The following FAIM2 variants were observed in gnomAD, a reference collection of about 807,000 sequenced individuals.
FAIM2 encodes protein lifeguard 2.
Under a neutral mutation model 47.4 loss-of-function variants are expected in FAIM2, and 27 were observed. The ratio of observed to expected loss-of-function variants is 0.57; its 90% confidence interval spans 0.42 to 0.78. FAIM2 has a LOEUF of 0.78. Among genes scored for constraint, FAIM2 ranks in the 30% least tolerant of loss-of-function variants. FAIM2 has a pLI of 0.00. For synonymous variants in FAIM2, 156 were observed against 159.3 expected, an observed-to-expected ratio of 0.98 and a Z score of 0.16; for missense variants, 311 against 389.4, an observed-to-expected ratio of 0.80 and a Z score of 1.69.
intron 11 of FAIM2, among the ~76,000 whole-genome samples, chr12:49,877,933 T>C (rs111203851): frequency 0.016 from 2,369 of 151,896 alleles, 67 homozygotes; most frequent in African/African-American, 0.055. Context: ...TATGCATCTG[T>C]ATGTGTGTAT....
chr12:49,881,522 T>C (rs1252215784), intron 11 of FAIM2, among the ~76,000 whole-genome samples: 1 of 151,998 alleles, frequency 6.6e-6, no homozygotes, highest in Non-Finnish European at 1.5e-5. Context: ...CCATGGGCCC[T>C]GGAGTCTCAG....
Position 49,901,173 on chromosome 12 carries a change from G to C in FAIM2, c.168C>G (p.Pro56=). 1 of 1,606,990 alleles carries C rather than the reference G, an allele frequency of 6.2e-7. No individual in the cohort carries two copies. Among genetic ancestry groups the C allele is most frequent in the South Asian group, 1.1e-5 (1 of 90,104 alleles). Residue 56 remains proline (P), a synonymous_variant, in exon 2 of 12, where the codon CCC becomes CCG. Transcript: ENST00000320634. ...GMKAGAFPPA[P]TAVPLHPSWA... is the part of the protein sequence containing the mutation. ...AGCTAGGGTGGAGAGGCACCGCTGT[G>C]GGGGCTGGGGGGAAGGCCCCTGCCT...
intron 2 of FAIM2, among the ~76,000 whole-genome samples, chr12:49,900,465 C>T (rs114490157): frequency 1.3e-5 from 2 of 152,220 alleles, no homozygotes; most frequent in African/African-American, 4.8e-5. Flanking sequence ...CAGCTCCTAC[C>T]CACTGGGATT....
intron 11 of FAIM2, among the ~76,000 whole-genome samples, chr12:49,870,945 T>C (rs1946697972): frequency 6.6e-6 from 1 of 152,096 alleles, no homozygotes; most frequent in African/African-American, 2.4e-5. Context: ...GGATGATGAG[T>C]ATAACAAGGT....
At chr12:49,903,007 T>C (rs1271799497) in intron 1 of FAIM2, 1 of 151,890 alleles carries the variant, frequency 6.6e-6, no homozygotes, top group Non-Finnish European at 1.5e-5. Context: ...CTTCCCCTGT[T>C]TTCTCTGCCC....
At chr12:49,879,214 G>A (rs1946777467) in intron 11 of FAIM2, among the ~76,000 whole-genome samples, 1 of 73,522 alleles carries the variant, frequency 1.4e-5, no homozygotes, top group African/African-American at 5.9e-5. Flanking sequence ...GTATGAGTGT[G>A]TATGTGCATG....
chr12:49,871,300 C>T (rs1173367543), intron 11 of FAIM2, among the ~76,000 whole-genome samples: 1 of 152,230 alleles, frequency 6.6e-6, no homozygotes. Flanking sequence ...GCTTCGGAGC[C>T]CCAGGTGTAA....
rs950792885 is a variant in FAIM2, at chr12:49,880,155, T to C, written c.801+7231A>G. On this transcript the variant is annotated intron_variant, in intron 11 of 11. Coordinates refer to ENST00000320634, the MANE Select transcript of FAIM2 (RefSeq NM_012306.4). ...ATGTGTGTATATGTGAGTGTATGTGTGTGCATGTGTGTATGTGTGTGTATG... is the reference window on the plus strand; with the variant it reads ...ATGTGTGTATATGTGAGTGTATGTGCGTGCATGTGTGTATGTGTGTGTATG... Among the ~76,000 whole-genome samples the C allele has an allele frequency of 4.5e-4, 67 of 149,482 alleles. 1 individual carries two copies.
chr12:49,884,223 CA>C (rs1226201556), intron 11 of FAIM2, among the ~76,000 whole-genome samples: 36 of 57,126 alleles, frequency 6.3e-4, no homozygotes, highest in African/African-American at 4.1e-3. Context: ...GACTCCGTCT[CA>C]GAAAAAAAAA....
At chr12:49,872,770 T>G (rs758730197) in intron 11 of FAIM2, among the ~76,000 whole-genome samples, 1 of 152,200 alleles carries the variant, frequency 6.6e-6, no homozygotes, top group African/African-American at 2.4e-5. Flanking sequence ...CTGTAGGACC[T>G]GGGCAGAGCA....
At chr12:49,890,745 C>G in intron 6 of FAIM2, 23 bp from the exon 7 acceptor site, 1 of 1,613,276 alleles carries the variant, frequency 6.2e-7, no homozygotes. Context: ...CCACAGAGTT[C>G]AGGGGATCGT....
chr12:49,877,621 G>GTCTAAAAGTCATGCCTCAGC (rs370908720), intron 11 of FAIM2, among the ~76,000 whole-genome samples: 11 of 152,094 alleles, frequency 7.2e-5, no homozygotes, highest in South Asian at 2.1e-4. Context: ...CACTAGAAAA[G>GTCTAAAAGTCATGCCTCAGC]CAGGGTGAGG....
intron 2 of FAIM2, among the ~76,000 whole-genome samples, chr12:49,899,366 T>C (rs1303966256): frequency 6.6e-6 from 1 of 152,210 alleles, no homozygotes; most frequent in Non-Finnish European, 1.5e-5. Flanking sequence ...CTTTCAAAGC[T>C]GACCATGGTA....
At chr12:49,886,140 TA>T (rs1262479209) in intron 11 of FAIM2, among the ~76,000 whole-genome samples, 1 of 152,180 alleles carries the variant, frequency 6.6e-6, no homozygotes, top group African/African-American at 2.4e-5. Context: ...CCATTGTCAA[TA>T]AATGTTGACC....
Position 49,890,196 on chromosome 12 carries a change from C to T in FAIM2, c.526-42G>A, listed in dbSNP as rs73293458. 6,333 of 1,606,520 alleles carry T rather than the reference C, an allele frequency of 3.9e-3. 191 individuals are homozygous for T. In the African/African-American group the frequency reaches 0.072, roughly 18 times the overall value. ...GGTAAAGGAATGTTCCAAACTCAGA[C>T]GCAGGGGCCCAGGCACCCTCGAGGT... On this transcript the variant is annotated intron_variant, in intron 7 of 11. Coordinates refer to ENST00000320634, the MANE Select transcript of FAIM2 (RefSeq NM_012306.4).
intron 11 of FAIM2, among the ~76,000 whole-genome samples, chr12:49,878,477 CATGTGTGTATATGTATGTGCAT>C (rs1291220841): frequency 8.2e-6 from 1 of 122,608 alleles, no homozygotes; most frequent in Non-Finnish European, 1.7e-5. Context: ...TGTGTGTGTG[CATGTGTGTATATGTATGTGCAT>C]GTGTGTATAT....
intron 10 of FAIM2, among the ~76,000 whole-genome samples, chr12:49,888,099 G>A (rs1023531315): frequency 3.3e-5 from 5 of 152,166 alleles, no homozygotes; most frequent in African/African-American, 9.7e-5. Context: ...CAGAAGACTC[G>A]GAAACAAAGG....
rs1433050067 is a variant in FAIM2 at position 49,867,077 on chromosome 12, G to A, written c.*3427C>T. 4 of 152,206 alleles carry A rather than the reference G, an allele frequency of 2.6e-5. No individual in the cohort carries two copies. Among genetic ancestry groups the A allele is most frequent in the African/African-American group, 4.8e-5 (2 of 41,428 alleles). The allele number at this position is 152,206 out of a possible 1,614,324, so 9.4% of individuals were successfully genotyped here. ...CCCTGGAGCTGTGTCTGCCCTCAGG[G>A]ACTCAGGAGAACGGCTCAGGGAGGG... On this transcript the variant is annotated 3_prime_UTR_variant, in exon 12 of 12. Transcript: ENST00000320634.
rs1312087262 is a variant in FAIM2 at position 49,875,392 on chromosome 12, T to TA, written c.802-4740dup. On this transcript the variant is annotated intron_variant, in intron 11 of 11. Coordinates refer to ENST00000320634, the MANE Select transcript of FAIM2 (RefSeq NM_012306.4). ...TCTCTGGAGAAGAGACTACCAGCCA[T>TA]ATGTCCAGGTGCGCCGACTGGGCTG... Among the ~76,000 whole-genome samples the TA allele has an allele frequency of 2.6e-5, 4 of 152,126 alleles. No homozygotes were observed. In the East Asian group the frequency reaches 7.7e-4, roughly 29 times the overall value.
Sources: gnomAD v4.1 joint callset for allele counts (sites outside exome capture counted in the v4.1 genomes callset) on GRCh38, gnomAD v4.1.1 for gene constraint, MANE v1.5 for transcripts, NCBI Gene and HGNC (gene_info 2026-07-23, HGNC 2026-07-21) for gene names.